ABAT: variants seen among roughly 807,000 people sequenced by gnomAD.
The protein encoded by ABAT is 4-aminobutyrate aminotransferase.
A neutral mutation model predicts 64.6 loss-of-function variants in ABAT; 45 were observed. The ratio of observed to expected loss-of-function variants is 0.70; its 90% CI spans 0.55 to 0.89. The LOEUF (loss-of-function observed/expected upper bound fraction) is 0.89, where lower values mean the gene tolerates loss of function less well. Ranked by LOEUF, ABAT falls within the 40% of genes least tolerant of loss-of-function variation. The probability of loss-of-function intolerance (pLI) is 0.00; values close to 1 mark genes in which losing one functional copy is unlikely to be tolerated. For synonymous variants in ABAT, 297 were observed against 250.5 expected, an observed-to-expected ratio of 1.19 and a Z score of -1.75; for missense variants, 633 against 658.4, an observed-to-expected ratio of 0.96 and a Z score of 0.42.
At chr16:8,775,681 C>A (rs114197760) in intron 13 of ABAT, among the ~76,000 whole-genome samples, 193 of 152,312 alleles carry the variant, frequency 1.3e-3, no homozygotes, top group African/African-American at 4.4e-3. Flanking sequence ...CTCCAGCCAT[C>A]ACATCTCAAT....
In ABAT at chr16:8,757,664, G is replaced by A. The variant is rs952166510; in HGVS notation, c.317-93G>A. ...TTTGGTTTTTAAAGAGAGTTGGGGG[G>A]TTGGAAAGGAAGGGAGAGGGAAGGA... On this transcript the variant is annotated intron_variant, in intron 5 of 15. Coordinates refer to ENST00000268251, the MANE Select transcript of ABAT (RefSeq NM_020686.6). The A allele has an allele frequency of 2.2e-6, 3 of 1,346,754 alleles. No homozygotes were observed. In the African/African-American group the frequency reaches 4.3e-5, roughly 19 times the overall value. The allele number at this position is 1,346,754 out of a possible 1,614,324, so 83.4% of individuals were successfully genotyped here.
chr16:8,735,313 G>A lies in ABAT; in HGVS notation c.-41-386G>A, dbSNP rs147562246. On this transcript the variant is annotated intron_variant, in intron 1 of 15. Transcript: ENST00000268251. ...GTCACCCAGGCTGGAGAGCAGTGGC[G>A]CGATTATGGCTCACTGCAGCCTCAA... 8.8e-3 allele frequency among the ~76,000 whole-genome samples: 1,338 copies of A among 151,996 alleles called. 20 individuals are homozygous for A. Among genetic ancestry groups the A allele is most frequent in the African/African-American group, 0.031 (1,273 of 41,428 alleles).
chr16:8,704,926 TC>T (rs1444095024), intron 1 of ABAT, among the ~76,000 whole-genome samples: 2 of 152,092 alleles, frequency 1.3e-5, no homozygotes, highest in Non-Finnish European at 2.9e-5. Context: ...CCTCAAGCAA[TC>T]CTCCCACCTC....
At chr16:8,700,303 T>C (rs2057792291) in intron 1 of ABAT, among the ~76,000 whole-genome samples, 1 of 152,210 alleles carries the variant, frequency 6.6e-6, no homozygotes, top group Non-Finnish European at 1.5e-5. Flanking sequence ...TGATATTCTC[T>C]TCCTCCTTTT....
At chr16:8,758,494 T>TA (rs1285670779) in intron 6 of ABAT, among the ~76,000 whole-genome samples, 4 of 151,812 alleles carry the variant, frequency 2.6e-5, no homozygotes, top group African/African-American at 9.7e-5. Flanking sequence ...AGGACTGGAG[T>TA]AGCAGCAGGG....
rs13336186 is a variant in ABAT, at chr16:8,768,787, C to G, written c.668-38C>G. The stretch of plus-strand genomic sequence containing the variant: ...ACAAAGACGGTACTGCCTGCTTCCC[C>G]AAGCCAAGCGTCTGCTTTTCTGTTT... On this transcript the variant is annotated intron_variant, in intron 10 of 15. Coordinates refer to ENST00000268251, the MANE Select transcript of ABAT (RefSeq NM_020686.6). 2,184 of 1,613,718 alleles carry G rather than the reference C, an allele frequency of 1.4e-3. 26 individuals are homozygous for G. The African/African-American group carries it at 0.026, about 19-fold the overall frequency.
At chr16:8,760,911 G>A (rs2059776843) in intron 6 of ABAT, among the ~76,000 whole-genome samples, 1 of 151,750 alleles carries the variant, frequency 6.6e-6, no homozygotes, top group Admixed American at 6.6e-5. Context: ...CTGTCTCTAC[G>A]ATAACTGTTT....
At chr16:8,684,147 C>T (rs2141929844) in intron 1 of ABAT, among the ~76,000 whole-genome samples, 1 of 152,038 alleles carries the variant, frequency 6.6e-6, no homozygotes, top group East Asian at 1.9e-4. Context: ...ACTCCCTGTT[C>T]CTGGGGATTC....
intron 1 of ABAT, among the ~76,000 whole-genome samples, chr16:8,698,902 C>T (rs139023452): frequency 0.049 from 7,403 of 152,124 alleles, 585 homozygotes; most frequent in African/African-American, 0.17. Context: ...GCCAAGATTG[C>T]GCCACTGCAC....
At chr16:8,770,553 C>A (rs1000380181) in intron 11 of ABAT, among the ~76,000 whole-genome samples, 1 of 152,154 alleles carries the variant, frequency 6.6e-6, no homozygotes, top group Non-Finnish European at 1.5e-5. Context: ...GATCCTCCCA[C>A]CTCAGCTTCT....
intron 1 of ABAT, among the ~76,000 whole-genome samples, chr16:8,706,426 A>C (rs1417196407): frequency 1.4e-5 from 2 of 143,660 alleles, no homozygotes; most frequent in Non-Finnish European, 1.5e-5. Flanking sequence ...AAAAAAAAGA[A>C]AAGACCAGGC....
At chr16:8,777,759 C>A (rs1009612702) in intron 14 of ABAT, among the ~76,000 whole-genome samples, 8 of 152,128 alleles carry the variant, frequency 5.3e-5, no homozygotes, top group Non-Finnish European at 7.3e-5. Flanking sequence ...GACTTCTGAG[C>A]CTCAGTTTCC....
intron 1 of ABAT, among the ~76,000 whole-genome samples, chr16:8,687,480 C>T (rs751439421): frequency 1.4e-5 from 2 of 145,800 alleles, no homozygotes; most frequent in Non-Finnish European, 3.0e-5. Context: ...GAGCCGAGAT[C>T]GCGCCACCGC....
chr16:8,740,228 G>A (rs75055007), intron 2 of ABAT, among the ~76,000 whole-genome samples: 17,996 of 152,084 alleles, frequency 0.12, 1,133 homozygotes, highest in South Asian at 0.18. Context: ...CTGCCGCCAC[G>A]TAACACATAC....
At chr16:8,739,917 A>G (rs993505863) in intron 2 of ABAT, among the ~76,000 whole-genome samples, 2 of 151,512 alleles carry the variant, frequency 1.3e-5, no homozygotes, top group Non-Finnish European at 2.9e-5. Flanking sequence ...GATTTGGGAT[A>G]TCTAGTAAGC....
chr16:8,707,776 C>T (rs959725991), intron 1 of ABAT, among the ~76,000 whole-genome samples: 5 of 152,138 alleles, frequency 3.3e-5, no homozygotes, highest in African/African-American at 1.2e-4. Context: ...GAGACAGTTT[C>T]CCAGGCTGGT....
intron 13 of ABAT, 56 bp downstream of exon 13, chr16:8,775,113 T>C: frequency 1.2e-6 from 2 of 1,611,244 alleles, no homozygotes; most frequent in Non-Finnish European, 1.7e-6. Context: ...AGCATCCTCT[T>C]CTCCTAACTG....
chr16:8,750,595 C>A (rs1049147486), intron 5 of ABAT, 56 bp downstream of exon 5: 3 of 1,515,700 alleles, frequency 2.0e-6, no homozygotes, highest in Admixed American at 1.7e-5. Context: ...CTCTCCTAGT[C>A]GTGGCTATCC....
chr16:8,719,915 A>C (rs1029933371), intron 1 of ABAT, among the ~76,000 whole-genome samples: 1 of 152,186 alleles, frequency 6.6e-6, no homozygotes, highest in Non-Finnish European at 1.5e-5. Context: ...AGGTTTAAGC[A>C]ATTCTCCTGC....
Sources: gnomAD v4.1 joint callset for allele counts (sites outside exome capture counted in the v4.1 genomes callset) on GRCh38, gnomAD v4.1.1 for gene constraint, MANE v1.5 for transcripts, NCBI Gene and HGNC (gene_info 2026-07-23, HGNC 2026-07-21) for gene names.